The following ADGRL2 variants were observed in gnomAD, a reference collection of about 807,000 sequenced individuals.
ADGRL2 encodes adhesion G protein-coupled receptor L2.
A neutral mutation model predicts 157.4 loss-of-function variants in ADGRL2; 44 were observed. The observed-to-expected ratio is 0.28, with a 90% CI of 0.22 to 0.36. ADGRL2 has a LOEUF of 0.36. Among genes scored for constraint, ADGRL2 ranks in the 10% least tolerant of loss-of-function variants. The pLI, the probability that ADGRL2 is intolerant of heterozygous loss-of-function variation, is 1.00. For missense variants in ADGRL2, 1,510 were observed against 1,768.9 expected, an observed-to-expected ratio of 0.85 and a Z score of 2.63; for synonymous variants, 585 against 624.7, an observed-to-expected ratio of 0.94 and a Z score of 0.95.
At chr1:81,641,839 A>C (rs914763874) in intron 3 of ADGRL2, among the ~76,000 whole-genome samples, 4 of 152,164 alleles carry the variant, frequency 2.6e-5, no homozygotes, top group Non-Finnish European at 1.5e-5. Context: ...TTAGAGCAGA[A>C]ATTAATCAAT....
chr1:81,971,802 T>C, intron 16 of ADGRL2, 50 bp from the exon 17 acceptor site: 2 of 958,984 alleles, frequency 2.1e-6, no homozygotes, highest in Non-Finnish European at 3.3e-6. Context: ...CCTTGTGATG[T>C]TGAGGTTCCA....
intron 2 of ADGRL2, among the ~76,000 whole-genome samples, chr1:81,546,283 CAGCATTTT>C (rs2148356541): frequency 6.6e-6 from 1 of 152,298 alleles, no homozygotes; most frequent in Non-Finnish European, 1.5e-5. Flanking sequence ...GTGAACTTGG[CAGCATTTT>C]ATTTGGGAAC....
chr1:81,802,472 C>T (rs1465916103), intron 1 of ADGRL2, among the ~76,000 whole-genome samples: 1 of 152,132 alleles, frequency 6.6e-6, no homozygotes, highest in East Asian at 1.9e-4. Context: ...GCCGGCTTCT[C>T]CTTTTCTCGT....
intron 1 of ADGRL2, among the ~76,000 whole-genome samples, chr1:81,704,965 C>A (rs2083684525): frequency 6.6e-6 from 1 of 152,148 alleles, no homozygotes; most frequent in African/African-American, 2.4e-5. Flanking sequence ...AAAATACTGG[C>A]AAAGCAAATG....
chr1:81,800,966 C>G lies in ADGRL2; in HGVS notation c.-203C>G, dbSNP rs1015558607. Among the ~76,000 whole-genome samples, 1 of 149,446 alleles carries G rather than the reference C, an allele frequency of 6.7e-6. No individual in the cohort carries two copies. Among genetic ancestry groups the G allele is most frequent in the African/African-American group, 2.4e-5 (1 of 41,064 alleles). On this transcript the variant is annotated 5_prime_UTR_variant, in exon 1 of 24. Transcript: ENST00000686636. Reference sequence around the variant, plus strand: ...CGCGCGCGTCCCTCGCCGCCACCGCCGCCCGGACAGCCCTGCGGCCGCCCC... The same window carrying G: ...CGCGCGCGTCCCTCGCCGCCACCGCGGCCCGGACAGCCCTGCGGCCGCCCC...
chr1:81,489,029 G>A (rs1405381483), intron 2 of ADGRL2, among the ~76,000 whole-genome samples: 1 of 152,114 alleles, frequency 6.6e-6, no homozygotes, highest in Non-Finnish European at 1.5e-5. Flanking sequence ...CCTGAGGTCA[G>A]CAGTTTGAGA....
intron 1 of ADGRL2, among the ~76,000 whole-genome samples, chr1:81,355,595 A>G (rs1663225727): frequency 6.6e-6 from 1 of 152,198 alleles, no homozygotes; most frequent in African/African-American, 2.4e-5. Flanking sequence ...ATAGTTGTCC[A>G]TAAAAGAAAC....
intron 2 of ADGRL2, among the ~76,000 whole-genome samples, chr1:81,499,672 TAA>T (rs1472328786): frequency 6.6e-6 from 1 of 152,182 alleles, no homozygotes; most frequent in East Asian, 1.9e-4. Flanking sequence ...TGCAAAAAGT[TAA>T]AAGAGTTATA....
At chr1:81,606,553 ATTTGCTTGTT>A (rs2081436352) in intron 3 of ADGRL2, among the ~76,000 whole-genome samples, 1 of 152,020 alleles carries the variant, frequency 6.6e-6, no homozygotes, top group South Asian at 2.1e-4. Flanking sequence ...TCAACCAAGT[ATTTGCTTGTT>A]TTTGCTTGGT....
At chr1:81,914,973 A>C (rs778054270) in intron 3 of ADGRL2, among the ~76,000 whole-genome samples, 1 of 152,240 alleles carries the variant, frequency 6.6e-6, no homozygotes, top group Non-Finnish European at 1.5e-5. Context: ...GTGTGCAAGA[A>C]AGACTAATAA....
intron 2 of ADGRL2, among the ~76,000 whole-genome samples, chr1:81,789,862 G>A (rs1409154683): frequency 3.3e-5 from 5 of 152,056 alleles, no homozygotes; most frequent in Non-Finnish European, 5.9e-5. Flanking sequence ...TGATCTGGCA[G>A]GGAAAAATTG....
intron 2 of ADGRL2, among the ~76,000 whole-genome samples, chr1:81,457,937 T>C (rs144020654): frequency 9.4e-4 from 143 of 152,350 alleles, no homozygotes; most frequent in African/African-American, 3.4e-3. Flanking sequence ...TTGAATTGAA[T>C]GACCAGTGGA....
intron 3 of ADGRL2, among the ~76,000 whole-genome samples, chr1:81,628,804 G>T (rs547572496): frequency 6.6e-6 from 1 of 152,066 alleles, no homozygotes; most frequent in Admixed American, 6.5e-5. Flanking sequence ...ATCAGAGAAT[G>T]AATTTTTTAG....
At chr1:81,488,229 A>G (rs74094090) in intron 2 of ADGRL2, among the ~76,000 whole-genome samples, 14 of 152,336 alleles carry the variant, frequency 9.2e-5, no homozygotes, top group African/African-American at 2.2e-4. Context: ...GGAAAAAAGC[A>G]GGTTCAGAAA....
At chr1:81,929,787 C>T (rs2095187712) in intron 3 of ADGRL2, among the ~76,000 whole-genome samples, 2 of 152,058 alleles carry the variant, frequency 1.3e-5, no homozygotes, top group African/African-American at 4.8e-5. Flanking sequence ...CAAATCTGTT[C>T]ATCTTACATA....
intron 1 of ADGRL2, among the ~76,000 whole-genome samples, chr1:81,825,069 G>A (rs566192437): frequency 2.0e-5 from 3 of 151,680 alleles, no homozygotes; most frequent in Non-Finnish European, 4.4e-5. Flanking sequence ...AATAGGGCTG[G>A]GCGCAGTGGC....
At chr1:81,379,343 C>G (rs928462162) in intron 1 of ADGRL2, among the ~76,000 whole-genome samples, 3 of 152,152 alleles carry the variant, frequency 2.0e-5, no homozygotes, top group Non-Finnish European at 4.4e-5. Flanking sequence ...CCCAGTGGGC[C>G]TATGTTACAG....
At chr1:81,756,472 T>C (rs1434489000) in intron 1 of ADGRL2, among the ~76,000 whole-genome samples, 1 of 152,124 alleles carries the variant, frequency 6.6e-6, no homozygotes, top group Admixed American at 6.6e-5. Flanking sequence ...CATGGTTCAG[T>C]AGAGATGTCT....
At chr1:81,840,686 C>T (rs1304436304) in intron 2 of ADGRL2, among the ~76,000 whole-genome samples, 1 of 152,068 alleles carries the variant, frequency 6.6e-6, no homozygotes, top group Non-Finnish European at 1.5e-5. Context: ...TTACCTGTTT[C>T]TGTAAAATAG....
Sources: gnomAD v4.1 joint callset for allele counts (sites outside exome capture counted in the v4.1 genomes callset) on GRCh38, gnomAD v4.1.1 for gene constraint, MANE v1.5 for transcripts, NCBI Gene and HGNC (gene_info 2026-07-23, HGNC 2026-07-21) for gene names.